SLC2A13: variants seen among roughly 807,000 people sequenced by gnomAD.
SLC2A13 encodes the protein proton myo-inositol cotransporter.
A neutral mutation model predicts 64.4 loss-of-function variants in SLC2A13; 32 were observed. That is an observed-to-expected ratio of 0.50 (90% CI 0.37 to 0.67). The LOEUF is 0.67. Ranked by LOEUF, SLC2A13 falls within the 30% of genes least tolerant of loss-of-function variation. The probability of loss-of-function intolerance (pLI) is 0.00; values close to 1 mark genes in which losing one functional copy is unlikely to be tolerated. For missense variants in SLC2A13, 743 were observed against 829.2 expected, an observed-to-expected ratio of 0.90 and a Z score of 1.28; for synonymous variants, 338 against 327.1, an observed-to-expected ratio of 1.03 and a Z score of -0.36.
At chr12:39,959,112 A>G (rs1946365480) in intron 3 of SLC2A13, among the ~76,000 whole-genome samples, 1 of 152,174 alleles carries the variant, frequency 6.6e-6, no homozygotes, top group Admixed American at 6.5e-5. Context: ...GGATGAAGCA[A>G]TTTGAGTATA....
At chr12:39,816,048 G>A (rs1942329118) in intron 7 of SLC2A13, among the ~76,000 whole-genome samples, 1 of 152,078 alleles carries the variant, frequency 6.6e-6, no homozygotes. Context: ...AAATCCTAAC[G>A]GTAACATTTA....
At chr12:39,894,197 A>T (rs1944682613) in intron 4 of SLC2A13, among the ~76,000 whole-genome samples, 1 of 152,170 alleles carries the variant, frequency 6.6e-6, no homozygotes, top group Admixed American at 6.6e-5. Flanking sequence ...GACTCTGCAA[A>T]CTTTCAAGTG....
chr12:40,019,963 G>C (rs1018714915), intron 3 of SLC2A13, among the ~76,000 whole-genome samples: 2 of 152,070 alleles, frequency 1.3e-5, no homozygotes, highest in African/African-American at 2.4e-5. Flanking sequence ...GTGTTAATAA[G>C]TGAGTTAACT....
At chr12:39,858,595 T>C (rs1281325863) in intron 6 of SLC2A13, among the ~76,000 whole-genome samples, 4 of 152,128 alleles carry the variant, frequency 2.6e-5, no homozygotes, top group Admixed American at 1.3e-4. Context: ...CTAATAGGGT[T>C]TTTACACATT....
intron 4 of SLC2A13, among the ~76,000 whole-genome samples, chr12:39,918,987 T>A (rs1945568245): frequency 6.6e-6 from 1 of 151,996 alleles, no homozygotes; most frequent in African/African-American, 2.4e-5. Context: ...TATACATTTT[T>A]TTTTTAAGAG....
At chr12:39,992,989 A>T (rs1947164614) in intron 3 of SLC2A13, among the ~76,000 whole-genome samples, 1 of 152,226 alleles carries the variant, frequency 6.6e-6, no homozygotes, top group Non-Finnish European at 1.5e-5. Context: ...TAAAATTGAC[A>T]GATATGAGTA....
chr12:40,056,428 G>A (rs1948334640), intron 1 of SLC2A13, among the ~76,000 whole-genome samples: 1 of 152,118 alleles, frequency 6.6e-6, no homozygotes, highest in South Asian at 2.1e-4. Flanking sequence ...AAAAACATGG[G>A]AAAGATCACT....
intron 3 of SLC2A13, among the ~76,000 whole-genome samples, chr12:39,964,517 T>C (rs558683640): frequency 3.9e-4 from 60 of 152,304 alleles, no homozygotes; most frequent in Non-Finnish European, 7.9e-4. Context: ...GTAAATGCTA[T>C]GGGAAAAGGA....
chr12:39,927,424 T>A (rs1243193835), intron 4 of SLC2A13, among the ~76,000 whole-genome samples: 1 of 152,136 alleles, frequency 6.6e-6, no homozygotes, highest in Non-Finnish European at 1.5e-5. Context: ...ACTCTTGAGT[T>A]TTTTTCCCCC....
intron 3 of SLC2A13, among the ~76,000 whole-genome samples, chr12:39,969,068 C>T (rs898722109): frequency 3.3e-5 from 5 of 151,852 alleles, no homozygotes; most frequent in African/African-American, 9.7e-5. Flanking sequence ...TTTGTCCTTG[C>T]GATAGTTTGC....
intron 7 of SLC2A13, among the ~76,000 whole-genome samples, chr12:39,816,311 G>A (rs887145809): frequency 7.3e-5 from 11 of 151,626 alleles, no homozygotes; most frequent in Non-Finnish European, 1.3e-4. Context: ...ATGAAAGGCC[G>A]TAGGTTGGGT....
chr12:39,994,375 T>A (rs373689610), intron 3 of SLC2A13, among the ~76,000 whole-genome samples: 3 of 131,240 alleles, frequency 2.3e-5, no homozygotes, highest in East Asian at 2.5e-4. Flanking sequence ...AGAGCGAGAC[T>A]CCATCTCAAA....
rs1438779946 is a variant in SLC2A13 at position 40,105,467 on chromosome 12, A to T, written c.342T>A (p.Ser114Arg). ...GCAGCTCCTGCCACAGCGCGTCCAG[A>T]CTGAGCTGCCGCTTGAGCAGCAGCA... ...GAMLLLKRQL[S>R]LDALWQELLV... is the part of the protein sequence containing the mutation. Residue 114 changes from serine to arginine, a missense_variant, in exon 1 of 10, where the codon AGT (serine) becomes AGA (arginine). Physicochemically the swap from Ser to Arg is moderately radical, Grantham distance 110. Around this residue, in one of 2 missense-constraint regions of SLC2A13, gnomAD observed 448 missense variants for 447.4 expected, o/e 1.00. Transcript: ENST00000280871. The surrounding 1 kb of genome is among the most constrained non-coding windows in gnomAD (Gnocchi z 4.2). 1.9e-6 allele frequency: 3 copies of T among 1,563,668 alleles called. No individual in the cohort carries two copies. Among genetic ancestry groups the T allele is most frequent in the African/African-American group, 1.4e-5 (1 of 73,086 alleles).
At chr12:39,917,827 C>G (rs554009711) in intron 4 of SLC2A13, among the ~76,000 whole-genome samples, 6 of 152,096 alleles carry the variant, frequency 3.9e-5, no homozygotes, top group African/African-American at 1.4e-4. Context: ...CTGAACAACC[C>G]TCATGAATAT....
intron 2 of SLC2A13, among the ~76,000 whole-genome samples, chr12:40,029,359 C>T (rs1947870811): frequency 6.6e-6 from 1 of 152,138 alleles, no homozygotes; most frequent in Non-Finnish European, 1.5e-5. Flanking sequence ...AGCTGTCTTT[C>T]AAATGGAAAC....
At chr12:39,817,196 CTCAACAAAT>C (rs1250070666) in intron 7 of SLC2A13, among the ~76,000 whole-genome samples, 1 of 152,192 alleles carries the variant, frequency 6.6e-6, no homozygotes, top group Admixed American at 6.5e-5. Context: ...CACAGGAGTA[CTCAACAAAT>C]TCATTAGAAA....
At chr12:39,840,688 C>G (rs570585096) in intron 6 of SLC2A13, among the ~76,000 whole-genome samples, 1 of 152,188 alleles carries the variant, frequency 6.6e-6, no homozygotes, top group South Asian at 2.1e-4. Flanking sequence ...AGAGGCATCA[C>G]TATACTGTCA....
At chr12:40,059,053 C>A (rs1212419268) in intron 1 of SLC2A13, among the ~76,000 whole-genome samples, 1 of 152,172 alleles carries the variant, frequency 6.6e-6, no homozygotes, top group East Asian at 1.9e-4. Flanking sequence ...TGAATGCTGG[C>A]ATTATCACTT....
chr12:39,993,628 A>G (rs555258115), intron 3 of SLC2A13, among the ~76,000 whole-genome samples: 1 of 152,360 alleles, frequency 6.6e-6, no homozygotes, highest in African/African-American at 2.4e-5. Context: ...GTTTTTCCAG[A>G]GAAACTGATT....
Sources: allele counts gnomAD v4.1 joint callset (sites outside exome capture counted in the v4.1 genomes callset), GRCh38; gene constraint gnomAD v4.1.1; regional missense constraint gnomAD v4.1.1; non-coding constraint Gnocchi (gnomAD v3.1); transcripts MANE v1.5; gene names NCBI Gene and HGNC (gene_info 2026-07-23, HGNC 2026-07-21).